The following SH3GL1 variants were observed in gnomAD, a reference collection of about 807,000 sequenced individuals.
SH3GL1 encodes endophilin-A2.
In SH3GL1, 21 loss-of-function variants were observed where a neutral mutation model predicts 48.8. The ratio of observed to expected loss-of-function variants is 0.43; its 90% CI spans 0.30 to 0.62. The LOEUF (loss-of-function observed/expected upper bound fraction) is 0.62. Among genes scored for constraint, SH3GL1 ranks in the 20% least tolerant of loss-of-function variants. SH3GL1 has a pLI of 0.11. For synonymous variants in SH3GL1, 282 were observed against 217.5 expected (o/e 1.30, Z -2.61); for missense variants, 454 against 503.0 (o/e 0.90, Z 0.93).
chr19:4,361,343 C>T lies in SH3GL1; in HGVS notation c.*257G>A. 1 of 525,476 alleles carries T rather than the reference C, an allele frequency of 1.9e-6. No individual in the cohort carries two copies. The highest frequency in any genetic ancestry group is 3.3e-5 in the East Asian group (1 of 30,650). The allele number at this position is 525,476 out of a possible 1,614,324, so 32.6% of individuals were successfully genotyped here. ...AGAAGTTGGGGAGCGGGGGAGGAGGCTGGCGCCATGGAGTGGGGAAGGGAG... is the reference window on the plus strand; with the variant it reads ...AGAAGTTGGGGAGCGGGGGAGGAGGTTGGCGCCATGGAGTGGGGAAGGGAG... On this transcript the variant is annotated 3_prime_UTR_variant, in exon 10 of 10. Coordinates refer to ENST00000269886, the MANE Select transcript of SH3GL1 (RefSeq NM_003025.4).
chr19:4,366,807 C>G (rs372283407), intron 2 of SH3GL1, 119 bp downstream of exon 2: 2 of 1,060,694 alleles, frequency 1.9e-6, no homozygotes, highest in Admixed American at 3.4e-5. Flanking sequence ...CTCTCCACAC[C>G]TGCCGGGCCC....
chr19:4,369,510 C>T (rs887390058), intron 1 of SH3GL1, among the ~76,000 whole-genome samples: 32 of 152,224 alleles, frequency 2.1e-4, no homozygotes, highest in African/African-American at 7.5e-4. Context: ...TTCCCCAGCC[C>T]CCTGCCTCTC....
intron 1 of SH3GL1, among the ~76,000 whole-genome samples, chr19:4,374,853 C>T (rs11667543): frequency 0.18 from 27,439 of 152,062 alleles, 2,995 homozygotes; most frequent in Admixed American, 0.26. Flanking sequence ...CTGCGGGCTG[C>T]GCCTGGTGGC....
rs775415117 is a variant in SH3GL1 at position 4,363,711 on chromosome 19, G to C, written c.624+9C>G. On this transcript the variant is annotated intron_variant, in intron 6 of 9. Coordinates refer to ENST00000269886, the MANE Select transcript of SH3GL1 (RefSeq NM_003025.4). ...GTCTTCTCAGGATGTGACACCCCGA[G>C]CTACTCACGTCAGTCTCCAGGAGGT... is the stretch of plus-strand genomic sequence containing the variant. The C allele has an allele frequency of 5.0e-6, 8 of 1,612,732 alleles. No homozygotes were observed. The highest frequency in any genetic ancestry group is 6.8e-6 in the Non-Finnish European group (8 of 1,179,970).
rs1183101564 is a variant in SH3GL1, at chr19:4,362,382, G to A, written c.857C>T (p.Ser286Leu). 1.9e-6 allele frequency: 3 copies of A among 1,611,172 alleles called. No homozygotes were observed. Among genetic ancestry groups the A allele is most frequent in the Middle Eastern group, 1.6e-4 (1 of 6,080 alleles). Residue 286 changes from serine (S) to leucine (L), a missense_variant, in exon 9 of 10, where the codon TCA (serine) becomes TTA (leucine). Around this residue, in one of 2 missense-constraint regions of SH3GL1, gnomAD observed 278 missense variants for 246.8 expected, o/e 1.13. Coordinates refer to ENST00000269886, the MANE Select transcript of SH3GL1 (RefSeq NM_003025.4). ...PCTTAPKIAA[S>L]SSFRSSDKPI... ...CTTGTCGGAAGATCGGAAAGACGATGAAGCTAAACACAAGCAAAACGAGGA... is the reference window on the plus strand; with the variant it reads ...CTTGTCGGAAGATCGGAAAGACGATAAAGCTAAACACAAGCAAAACGAGGA...
chr19:4,361,834 C>A (rs200643274), intron 9 of SH3GL1, 38 bp from the exon 10 acceptor site: 1 of 1,402,862 alleles, frequency 7.1e-7, no homozygotes, highest in African/African-American at 1.4e-5. Context: ...GGGGCTGCTA[C>A]GCCTCACCCC....
chr19:4,381,930 T>C (rs1280987519), intron 1 of SH3GL1, among the ~76,000 whole-genome samples: 1 of 151,690 alleles, frequency 6.6e-6, no homozygotes, highest in Non-Finnish European at 1.5e-5. Context: ...CCACAACAAA[T>C]CGCCACAAAC....
chr19:4,360,949 TCTGTCCTCAGGCAGATCCCAG>T lies in SH3GL1; in HGVS notation c.*630_*650del. On this transcript the variant is annotated 3_prime_UTR_variant, in exon 10 of 10. Coordinates refer to ENST00000269886, the MANE Select transcript of SH3GL1 (RefSeq NM_003025.4). Reference sequence around the variant, plus strand: ...CAGGGCCCTGCAGGAGACCATGTTCTCTGTCCTCAGGCAGATCCCAGCTGGCCTCTGTCCCCGGGCTGCAAG... The same window carrying T: ...CAGGGCCCTGCAGGAGACCATGTTCTCTGGCCTCTGTCCCCGGGCTGCAAG... 2 of 233,458 alleles carry T rather than the reference TCTGTCCTCAGGCAGATCCCAG, an allele frequency of 8.6e-6. No individual in the cohort carries two copies. Among genetic ancestry groups the T allele is most frequent in the Non-Finnish European group, 8.5e-6 (1 of 118,184 alleles). 14.5% of individuals were successfully genotyped at this position (233,458 alleles called of 1,614,324 possible).
chr19:4,397,363 G>C (rs972490116), intron 1 of SH3GL1, among the ~76,000 whole-genome samples: 17 of 152,332 alleles, frequency 1.1e-4, no homozygotes, highest in Non-Finnish European at 2.2e-4. Flanking sequence ...TCCTTTCCAG[G>C]CTTCAAGGCG....
At chr19:4,373,624 G>A (rs540243124) in intron 1 of SH3GL1, among the ~76,000 whole-genome samples, 1 of 152,328 alleles carries the variant, frequency 6.6e-6, no homozygotes, top group South Asian at 2.1e-4. Flanking sequence ...AGCTCTGGCA[G>A]CAAAAGGACA....
intron 1 of SH3GL1, among the ~76,000 whole-genome samples, chr19:4,386,789 G>A (rs1004839490): frequency 3.9e-5 from 6 of 152,266 alleles, no homozygotes; most frequent in African/African-American, 1.4e-4. Flanking sequence ...TAAGAGGCGA[G>A]ACTGCAGAGG....
chr19:4,362,343 G>A lies in SH3GL1; in HGVS notation c.896C>T (p.Pro299Leu), dbSNP rs1213529120. Reference protein sequence around the residue: ...FRSSDKPIRTPSRSMPPLDQP... With the variant: ...FRSSDKPIRTLSRSMPPLDQP... ...GGAACACTCACGCATGCTCCGGCTA[G>A]GGGTCCGGATGGGCTTGTCGGAAGA... Residue 299 changes from proline to leucine, a missense_variant, in exon 9 of 10, where the codon CCT (proline) becomes CTT (leucine). This residue lies in a region of SH3GL1 where 278 missense variants were observed against 246.8 expected (regional missense o/e 1.13). Coordinates refer to ENST00000269886, the MANE Select transcript of SH3GL1 (RefSeq NM_003025.4). The A allele has an allele frequency of 5.6e-6, 9 of 1,612,156 alleles. No homozygotes were observed. The Admixed American group carries it at 1.5e-4, about 27-fold the overall frequency.
chr19:4,387,972 G>A (rs548928304), intron 1 of SH3GL1, among the ~76,000 whole-genome samples: 9 of 152,178 alleles, frequency 5.9e-5, no homozygotes, highest in African/African-American at 1.4e-4. Context: ...CGATTCTCCC[G>A]CCTCAGCCTC....
chr19:4,399,650 C>CA (rs1491555101), intron 1 of SH3GL1, among the ~76,000 whole-genome samples: 87 of 69,816 alleles, frequency 1.2e-3, no homozygotes, highest in Non-Finnish European at 1.3e-3. Flanking sequence ...AATCCAGCCC[C>CA]AGATGTCAAC....
intron 1 of SH3GL1, among the ~76,000 whole-genome samples, chr19:4,371,208 A>G (rs1276683222): frequency 1.3e-5 from 2 of 152,268 alleles, no homozygotes; most frequent in Admixed American, 1.3e-4. Context: ...GGGATGTGAC[A>G]CACAGAACAG....
intron 1 of SH3GL1, among the ~76,000 whole-genome samples, chr19:4,394,734 TG>T (rs1007787728): frequency 6.6e-6 from 1 of 152,210 alleles, no homozygotes; most frequent in Non-Finnish European, 1.5e-5. Context: ...CGGCCTCTGT[TG>T]ATCAATTTAG....
intron 1 of SH3GL1, among the ~76,000 whole-genome samples, chr19:4,399,319 CAAAAAAAAAA>C (rs58263818): frequency 4.0e-5 from 2 of 49,624 alleles, no homozygotes; most frequent in East Asian, 1.1e-3. Flanking sequence ...GACTCCCTCT[CAAAAAAAAAA>C]AAAAAAAAAA....
intron 1 of SH3GL1, among the ~76,000 whole-genome samples, chr19:4,379,736 G>GGCGA (rs1187333886): frequency 6.6e-6 from 1 of 152,060 alleles, no homozygotes; most frequent in Non-Finnish European, 1.5e-5. Context: ...TCTGTGCATG[G>GGCGA]GCGAGCCTGT....
At position 4,392,281 on chromosome 19, in the gene SH3GL1, C is replaced by T. The variant is rs1973351131; in HGVS notation, c.45+8043G>A. 3.3e-5 allele frequency among the ~76,000 whole-genome samples: 5 copies of T among 152,172 alleles called. No homozygotes were observed. In the South Asian group the frequency reaches 1.0e-3, roughly 32 times the overall value. ...CTGGCTCACGCCTGTAATCCCAGCA[C>T]TTTGGGAGGCAAGGCAGGGAGATCA... On this transcript the variant is annotated intron_variant, in intron 1 of 9. Transcript: ENST00000269886.
Sources: gnomAD v4.1 joint callset for allele counts (sites outside exome capture counted in the v4.1 genomes callset) on GRCh38, gnomAD v4.1.1 for gene constraint, gnomAD v4.1.1 regional missense constraint, MANE v1.5 for transcripts, NCBI Gene and HGNC (gene_info 2026-07-23, HGNC 2026-07-21) for gene names.